DCBLD2: variants seen among roughly 807,000 people sequenced by gnomAD.
DCBLD2 encodes the protein discoidin, CUB and LCCL domain-containing protein 2.
Under a neutral mutation model 86.8 loss-of-function variants are expected in DCBLD2, and 54 were observed. The ratio of observed to expected loss-of-function variants is 0.62; its 90% CI spans 0.50 to 0.78. DCBLD2 has a LOEUF of 0.78. Among genes scored for constraint, DCBLD2 ranks in the 30% least tolerant of loss-of-function variants. The probability of loss-of-function intolerance (pLI) is 0.00; values close to 1 mark genes in which losing one functional copy is unlikely to be tolerated. For missense variants in DCBLD2, 908 were observed against 954.2 expected (o/e 0.95, Z 0.64); for synonymous variants, 354 against 341.3 (o/e 1.04, Z -0.41).
Position 98,901,482 on chromosome 3 carries a change from G to C in DCBLD2, c.-156C>G. ...CCGGGACCCTTCCGCCCCTCACCCC[G>C]CTTTCACCTACTCCTCCTTCGTCCC... On this transcript the variant is annotated 5_prime_UTR_variant, in exon 1 of 16. Transcript: ENST00000326840. The C allele has an allele frequency of 1.6e-6, 1 of 638,340 alleles. No homozygotes were observed. Among genetic ancestry groups the C allele is most frequent in the Non-Finnish European group, 2.2e-6 (1 of 449,840 alleles). The allele number at this position is 638,340 out of a possible 1,614,324, so 39.5% of individuals were successfully genotyped here.
rs1213044342 is a variant in DCBLD2, at chr3:98,808,154, G to A, written c.1597C>T (p.Leu533Phe). ...AGGACCATGACCAGCACAGGGACAAGAACTGCAGCCAGCGCTACATCTGAA... is the reference window on the plus strand; with the variant it reads ...AGGACCATGACCAGCACAGGGACAAAAACTGCAGCCAGCGCTACATCTGAA... ...VTKDVALAAV[L>F]VPVLVMVLTT... Residue 533 changes from leucine to phenylalanine, a missense_variant, in exon 13 of 16, where the codon CTT (leucine) becomes TTT (phenylalanine). By Grantham distance (22) the Leu-to-Phe change is conservative. Coordinates refer to ENST00000326840, the MANE Select transcript of DCBLD2 (RefSeq NM_080927.4). The A allele has an allele frequency of 6.2e-7, 1 of 1,603,530 alleles. No individual in the cohort carries two copies. Among genetic ancestry groups the A allele is most frequent in the Admixed American group, 1.7e-5 (1 of 58,288 alleles).
At chr3:98,829,604 C>A (rs1413190951) in intron 3 of DCBLD2, among the ~76,000 whole-genome samples, 1 of 152,178 alleles carries the variant, frequency 6.6e-6, no homozygotes, top group Non-Finnish European at 1.5e-5. Context: ...TAATCTCATT[C>A]TTTTTTATGA....
chr3:98,808,133 C>G lies in DCBLD2; in HGVS notation c.1618G>C (p.Val540Leu). Residue 540 changes from valine (V) to leucine (L), a missense_variant, in exon 13 of 16, where the codon GTC becomes CTC. By Grantham distance (32) the Val-to-Leu change is conservative. Coordinates refer to ENST00000326840, the MANE Select transcript of DCBLD2 (RefSeq NM_080927.4). ...AAVLVPVLVMVLTTLILILVC... is the reference protein window; with the variant it reads ...AAVLVPVLVMLLTTLILILVC... ...AATATGAGAATGAGAGTAGTGAGGA[C>G]CATGACCAGCACAGGGACAAGAACT... 1 of 1,607,004 alleles carries G rather than the reference C, an allele frequency of 6.2e-7. No individual in the cohort carries two copies. Among genetic ancestry groups the G allele is most frequent in the Non-Finnish European group, 8.5e-7 (1 of 1,176,818 alleles).
intron 2 of DCBLD2, among the ~76,000 whole-genome samples, chr3:98,876,605 T>C (rs1309180280): frequency 6.6e-6 from 1 of 152,176 alleles, no homozygotes; most frequent in Admixed American, 6.5e-5. Context: ...ATTTTTATGC[T>C]ATGGAAATGC....
intron 2 of DCBLD2, among the ~76,000 whole-genome samples, chr3:98,861,011 A>C (rs1466892021): frequency 1.3e-5 from 2 of 152,226 alleles, no homozygotes; most frequent in Non-Finnish European, 2.9e-5. Context: ...ATAGGCTCAA[A>C]ATAAGGAGAT....
At chr3:98,820,377 C>T in intron 6 of DCBLD2, 89 bp from the exon 7 acceptor site, 1 of 995,802 alleles carries the variant, frequency 1.0e-6, no homozygotes, top group Non-Finnish European at 1.4e-6. Context: ...ATTTGGTTCC[C>T]CCCACCCAAT....
intron 3 of DCBLD2, among the ~76,000 whole-genome samples, chr3:98,838,456 G>C (rs1393934040): frequency 1.2e-4 from 16 of 134,978 alleles, no homozygotes; most frequent in African/African-American, 4.5e-4. Context: ...ATGGGCGGCC[G>C]GGCAGAGACG....
chr3:98,862,329 A>G lies in DCBLD2; in HGVS notation c.434-12731T>C, dbSNP rs566751013. On this transcript the variant is annotated intron_variant, in intron 2 of 15. Coordinates refer to ENST00000326840, the MANE Select transcript of DCBLD2 (RefSeq NM_080927.4). ...GTACCATTCTTTCTGAAAGTATTCCAATCAATAGAAAAAGAGGGAATCCTC... is the reference window on the plus strand; with the variant it reads ...GTACCATTCTTTCTGAAAGTATTCCGATCAATAGAAAAAGAGGGAATCCTC... 2.0e-5 allele frequency among the ~76,000 whole-genome samples: 3 copies of G among 152,354 alleles called. No individual in the cohort carries two copies. In the East Asian group the frequency reaches 5.8e-4, roughly 29 times the overall value.
chr3:98,874,285 A>C (rs1161962313), intron 2 of DCBLD2, among the ~76,000 whole-genome samples: 1 of 152,212 alleles, frequency 6.6e-6, no homozygotes, highest in Non-Finnish European at 1.5e-5. Context: ...AATGCAAAGT[A>C]AATTACAAAT....
chr3:98,885,942 A>G (rs912520914), intron 1 of DCBLD2, among the ~76,000 whole-genome samples: 1 of 151,690 alleles, frequency 6.6e-6, no homozygotes, highest in Admixed American at 6.6e-5. Context: ...ACATCTTATC[A>G]TGCACAGGAG....
At chr3:98,817,283 A>C (rs1396166136) in intron 9 of DCBLD2, among the ~76,000 whole-genome samples, 1 of 152,252 alleles carries the variant, frequency 6.6e-6, no homozygotes, top group Non-Finnish European at 1.5e-5. Flanking sequence ...CATGTAAGAA[A>C]AAACAGAAGT....
intron 3 of DCBLD2, among the ~76,000 whole-genome samples, chr3:98,825,643 T>TTATACATATATA (rs1942202880): frequency 8.7e-6 from 1 of 115,100 alleles, no homozygotes; most frequent in East Asian, 4.0e-4. Flanking sequence ...ATATGTGTAT[T>TTATACATATATA]TATATATATA....
intron 7 of DCBLD2, 37 bp downstream of exon 7, chr3:98,820,211 T>C: frequency 7.6e-7 from 1 of 1,318,988 alleles, no homozygotes; most frequent in East Asian, 2.8e-5. Flanking sequence ...AAAAATATTA[T>C]ATAAATAAAA....
At chr3:98,845,313 G>T (rs1010896665) in intron 3 of DCBLD2, among the ~76,000 whole-genome samples, 23 of 152,004 alleles carry the variant, frequency 1.5e-4, no homozygotes, top group African/African-American at 5.1e-4. Flanking sequence ...TACAACCCGG[G>T]CATTACTGTA....
chr3:98,897,902 A>T (rs1382087604), intron 1 of DCBLD2, among the ~76,000 whole-genome samples: 1 of 152,134 alleles, frequency 6.6e-6, no homozygotes, highest in Non-Finnish European at 1.5e-5. Context: ...AAATTCCTAC[A>T]GTCATAATGG....
chr3:98,836,235 C>T (rs62278512), intron 3 of DCBLD2, among the ~76,000 whole-genome samples: 56,953 of 139,112 alleles, frequency 0.41, 11,744 homozygotes, highest in Non-Finnish European at 0.44. Context: ...GCCTGTTGTC[C>T]CTTGCCTGAA....
intron 3 of DCBLD2, among the ~76,000 whole-genome samples, chr3:98,830,596 G>A (rs540950725): frequency 3.9e-5 from 6 of 152,178 alleles, no homozygotes; most frequent in South Asian, 4.2e-4. Context: ...ATTGGTCTAC[G>A]CACCTATTTC....
At chr3:98,875,962 G>T (rs1943360934) in intron 2 of DCBLD2, among the ~76,000 whole-genome samples, 1 of 151,992 alleles carries the variant, frequency 6.6e-6, no homozygotes, top group Non-Finnish European at 1.5e-5. Flanking sequence ...TGAAAAAAAT[G>T]GGTAAATTTA....
At chr3:98,804,545 T>A (rs561384229) in intron 13 of DCBLD2, among the ~76,000 whole-genome samples, 1 of 152,340 alleles carries the variant, frequency 6.6e-6, no homozygotes, top group Admixed American at 6.5e-5. Context: ...TCTATCTCCT[T>A]CAGTTCTGCT....
Sources: gnomAD v4.1 joint callset for allele counts (sites outside exome capture counted in the v4.1 genomes callset) on GRCh38, gnomAD v4.1.1 for gene constraint, MANE v1.5 for transcripts, NCBI Gene and HGNC (gene_info 2026-07-23, HGNC 2026-07-21) for gene names.